Variants in FOXP2 observed in about 807,000 individuals in gnomAD.
FOXP2 encodes forkhead box P2, also known as forkhead box protein P2.
Under a neutral mutation model 115.8 loss-of-function variants are expected in FOXP2, and 12 were observed. The ratio of observed to expected loss-of-function variants is 0.10; its 90% confidence interval spans 0.07 to 0.17. The LOEUF (loss-of-function observed/expected upper bound fraction) is 0.17. FOXP2 is among the 10% of genes least tolerant of loss of function. The pLI, the probability that FOXP2 is intolerant of heterozygous loss-of-function variation, is 1.00. For missense variants in FOXP2, 629 were observed against 843.5 expected, an observed-to-expected ratio of 0.75 and a Z score of 3.15; for synonymous variants, 328 against 297.7, an observed-to-expected ratio of 1.10 and a Z score of -1.05.
At chr7:114,293,699 C>T (rs1012073232) in intron 2 of FOXP2, among the ~76,000 whole-genome samples, 3 of 152,154 alleles carry the variant, frequency 2.0e-5, no homozygotes, top group Non-Finnish European at 4.4e-5. Flanking sequence ...GGGGCTTCCC[C>T]CTTCACTAGG....
chr7:114,349,690 T>TGC (rs2129185483), intron 2 of FOXP2, among the ~76,000 whole-genome samples: 1 of 151,898 alleles, frequency 6.6e-6, no homozygotes, highest in Non-Finnish European at 1.5e-5. Flanking sequence ...TGTGTGTGTG[T>TGC]TCTGCCTTAG....
intron 1 of FOXP2, among the ~76,000 whole-genome samples, chr7:114,145,848 T>TAGAAA (rs1792356716): frequency 6.6e-6 from 1 of 152,202 alleles, no homozygotes; most frequent in South Asian, 2.1e-4. Context: ...TCCTATTGTA[T>TAGAAA]AGAAAAATGA....
chr7:114,567,609 C>T (rs969485022), intron 3 of FOXP2, among the ~76,000 whole-genome samples: 3 of 152,070 alleles, frequency 2.0e-5, no homozygotes, highest in African/African-American at 7.2e-5. Flanking sequence ...TTATTAGAAA[C>T]AGATGCAAAC....
At chr7:114,545,460 A>C (rs1799868917) in intron 3 of FOXP2, among the ~76,000 whole-genome samples, 1 of 152,164 alleles carries the variant, frequency 6.6e-6, no homozygotes, top group South Asian at 2.1e-4. Context: ...TCTTATGTAA[A>C]ATCTTCAGTA....
intron 6 of FOXP2, among the ~76,000 whole-genome samples, chr7:114,641,283 G>A (rs1805515154): frequency 6.6e-6 from 1 of 152,170 alleles, no homozygotes; most frequent in Non-Finnish European, 1.5e-5. Flanking sequence ...GTCAAATACT[G>A]TAAGCAATAG....
At chr7:114,458,364 T>A (rs192409832) in intron 2 of FOXP2, among the ~76,000 whole-genome samples, 18 of 152,150 alleles carry the variant, frequency 1.2e-4, no homozygotes, top group Admixed American at 1.0e-3. Flanking sequence ...GTAATGTTAT[T>A]CTTATAAACA....
chr7:114,508,168 A>G (rs191529241), intron 2 of FOXP2, among the ~76,000 whole-genome samples: 35 of 152,146 alleles, frequency 2.3e-4, no homozygotes, highest in Non-Finnish European at 2.9e-5. Context: ...TGAAATAACA[A>G]GCACAACTTT....
chr7:114,574,345 G>C (rs1474040743), intron 3 of FOXP2, among the ~76,000 whole-genome samples: 2 of 151,712 alleles, frequency 1.3e-5, no homozygotes, highest in Non-Finnish European at 3.0e-5. Flanking sequence ...GAGGAAGAGA[G>C]CTTCATTGTT....
intron 2 of FOXP2, among the ~76,000 whole-genome samples, chr7:114,379,959 G>C (rs939359071): frequency 2.0e-5 from 3 of 152,164 alleles, no homozygotes; most frequent in African/African-American, 7.2e-5. Context: ...ATGTCCTCAT[G>C]AGGTTCCCTA....
chr7:114,580,167 A>G (rs1000397398), intron 3 of FOXP2, among the ~76,000 whole-genome samples: 1 of 152,260 alleles, frequency 6.6e-6, no homozygotes, highest in Non-Finnish European at 1.5e-5. Flanking sequence ...AATAGAAAGC[A>G]GTCACTGGAA....
At chr7:114,590,441 C>T (rs999404822) in intron 3 of FOXP2, among the ~76,000 whole-genome samples, 2 of 152,132 alleles carry the variant, frequency 1.3e-5, no homozygotes, top group African/African-American at 4.8e-5. Context: ...AACCAGAAAG[C>T]CCCTCACAGG....
rs1808571435 is a variant in FOXP2 at position 114,689,935 on chromosome 7, T to C, written c.*9T>C. On this transcript the variant is annotated 3_prime_UTR_variant, in exon 17 of 17. Coordinates refer to ENST00000350908, the MANE Select transcript of FOXP2 (RefSeq NM_014491.4). The stretch of plus-strand genomic sequence containing the variant: ...CTGAAGATCTGGAATGAGAACTGAC[T>C]TGTGAAACCTCAGCGTGAAGGGACA... 1 of 1,612,806 alleles carries C rather than the reference T, an allele frequency of 6.2e-7. No individual in the cohort carries two copies. The highest frequency in any genetic ancestry group is 8.5e-7 in the Non-Finnish European group (1 of 1,179,212).
chr7:114,684,915 A>G lies in FOXP2; in HGVS notation c.2004-4867A>G, dbSNP rs530145601. 1.4e-4 allele frequency among the ~76,000 whole-genome samples: 21 copies of G among 152,220 alleles called. No individual in the cohort carries two copies. In the East Asian group the frequency reaches 4.1e-3, roughly 29 times the overall value. ...GAAACTGTAATATACTAGTTGGTTC[A>G]TCTATTATTTTACTCAAACTATTGG... On this transcript the variant is annotated intron_variant, in intron 16 of 16. Coordinates refer to ENST00000350908, the MANE Select transcript of FOXP2 (RefSeq NM_014491.4).
At chr7:114,306,923 C>T (rs540541995) in intron 2 of FOXP2, among the ~76,000 whole-genome samples, 1 of 152,256 alleles carries the variant, frequency 6.6e-6, no homozygotes, top group East Asian at 1.9e-4. Context: ...ACCTCTTCCA[C>T]ATTTAGGTCT....
chr7:114,282,260 C>T (rs1287185134), intron 1 of FOXP2, among the ~76,000 whole-genome samples: 3 of 152,104 alleles, frequency 2.0e-5, no homozygotes, highest in Non-Finnish European at 2.9e-5. Flanking sequence ...TATTAACTAT[C>T]AAAACTACAA....
intron 2 of FOXP2, among the ~76,000 whole-genome samples, chr7:114,528,402 T>C (rs1244211135): frequency 6.6e-6 from 1 of 152,076 alleles, no homozygotes; most frequent in Non-Finnish European, 1.5e-5. Context: ...GGATCTTTCT[T>C]ATTAAACAAT....
chr7:114,240,232 G>A (rs550953788), intron 1 of FOXP2, among the ~76,000 whole-genome samples: 1 of 152,146 alleles, frequency 6.6e-6, no homozygotes, highest in African/African-American at 2.4e-5. Context: ...GTTGGGGGGA[G>A]GAAAACCTGT....
In FOXP2 at chr7:114,321,302, C is replaced by A. The variant is rs192964731; in HGVS notation, c.-11+33193C>A. ...CAACCTCTGCCTCCTGGGTTCACGCCATTCTCCTGCCTCAGCCTCTCGAGT... is the reference window on the plus strand; with the variant it reads ...CAACCTCTGCCTCCTGGGTTCACGCAATTCTCCTGCCTCAGCCTCTCGAGT... On this transcript the variant is annotated intron_variant, in intron 2 of 17. Coordinates refer to the FOXP2 transcript ENST00000634411. Among the ~76,000 whole-genome samples, 415 of 151,884 alleles carry A rather than the reference C, an allele frequency of 2.7e-3. 3 individuals carry two copies. The highest frequency in any genetic ancestry group is 9.7e-3 in the African/African-American group (400 of 41,414).
chr7:114,416,914 C>A (rs1000016788), intron 1 of FOXP2, among the ~76,000 whole-genome samples: 4 of 151,172 alleles, frequency 2.6e-5, no homozygotes, highest in African/African-American at 9.7e-5. Context: ...TTTTTTAAAC[C>A]CATGTAAAAT....
Sources: gnomAD v4.1 joint callset for allele counts (sites outside exome capture counted in the v4.1 genomes callset) on GRCh38, gnomAD v4.1.1 for gene constraint, MANE v1.5 for transcripts, NCBI Gene and HGNC (gene_info 2026-07-23, HGNC 2026-07-21) for gene names.